The following MECOM variants were observed in gnomAD, a reference collection of about 807,000 sequenced individuals.
MECOM encodes the protein MDS1 and EVI1 complex locus.
In MECOM, 13 loss-of-function variants were observed where a neutral mutation model predicts 116.3. That is an observed-to-expected ratio of 0.11 (90% CI 0.07 to 0.18). The LOEUF (loss-of-function observed/expected upper bound fraction) is 0.18, where lower values mean the gene tolerates loss of function less well. MECOM is among the 10% of genes least tolerant of loss of function. The pLI is 1.00. For synonymous variants in MECOM, 528 were observed against 535.2 expected, an observed-to-expected ratio of 0.99 and a Z score of 0.19; for missense variants, 1,299 against 1,509.0, an observed-to-expected ratio of 0.86 and a Z score of 2.31.
rs530734686 is a variant in MECOM, at chr3:169,162,005, C to T, written c.376-18173G>A. Among the ~76,000 whole-genome samples, 9 of 152,284 alleles carry T rather than the reference C, an allele frequency of 5.9e-5. No homozygotes were observed. The East Asian group carries it at 1.7e-3, about 29-fold the overall frequency. ...CAACTGCCCAGCTAGCTGAGCCACCCCTGAATTCCTAAACCATAGAAACTG... is the reference window on the plus strand; with the variant it reads ...CAACTGCCCAGCTAGCTGAGCCACCTCTGAATTCCTAAACCATAGAAACTG... On this transcript the variant is annotated intron_variant, in intron 2 of 16. Coordinates refer to ENST00000651503, the MANE Select transcript of MECOM (RefSeq NM_004991.4).
chr3:169,360,906 C>T (rs1397618226), intron 2 of MECOM, among the ~76,000 whole-genome samples: 4 of 151,752 alleles, frequency 2.6e-5, no homozygotes, highest in Non-Finnish European at 2.9e-5. Flanking sequence ...TAAAAGCATG[C>T]GGATCTTCCC....
At chr3:169,423,831 T>G (rs982782961) in intron 1 of MECOM, among the ~76,000 whole-genome samples, 28 of 152,138 alleles carry the variant, frequency 1.8e-4, no homozygotes, top group Admixed American at 1.7e-3. Context: ...TCCGAAGTTT[T>G]GAATACTTCT....
intron 2 of MECOM, among the ~76,000 whole-genome samples, chr3:169,353,914 C>T (rs1726815512): frequency 6.6e-6 from 1 of 151,748 alleles, no homozygotes; most frequent in Admixed American, 6.6e-5. Context: ...AAGCAGAATA[C>T]ACTTTTTTTC....
chr3:169,468,565 C>G (rs1007272831), intron 1 of MECOM, among the ~76,000 whole-genome samples: 1 of 152,154 alleles, frequency 6.6e-6, no homozygotes, highest in Non-Finnish European at 1.5e-5. Flanking sequence ...TGAATCCATT[C>G]CAGGATCAGT....
At chr3:169,085,491 G>A (rs1487452080) in intron 16 of MECOM, among the ~76,000 whole-genome samples, 5 of 152,096 alleles carry the variant, frequency 3.3e-5, no homozygotes, top group South Asian at 2.1e-4. Flanking sequence ...CTTTATAACC[G>A]AAAGCACTGA....
intron 1 of MECOM, among the ~76,000 whole-genome samples, chr3:169,531,482 C>T (rs1330782060): frequency 6.6e-6 from 1 of 152,172 alleles, no homozygotes; most frequent in African/African-American, 2.4e-5. Flanking sequence ...TCCATAACCT[C>T]ATCAGAGAGG....
At chr3:169,469,257 C>A (rs1475520192) in intron 1 of MECOM, among the ~76,000 whole-genome samples, 1 of 152,044 alleles carries the variant, frequency 6.6e-6, no homozygotes, top group Non-Finnish European at 1.5e-5. Flanking sequence ...GCAGAACAAG[C>A]AGTATAAGAA....
intron 1 of MECOM, among the ~76,000 whole-genome samples, chr3:169,464,361 T>A (rs1242472982): frequency 6.6e-6 from 1 of 152,192 alleles, no homozygotes; most frequent in Non-Finnish European, 1.5e-5. Context: ...ATCCTTTTCA[T>A]AACAGCAAGA....
chr3:169,099,062 AT>A (rs1421321879), intron 12 of MECOM, among the ~76,000 whole-genome samples: 3 of 145,286 alleles, frequency 2.1e-5, no homozygotes, highest in African/African-American at 7.7e-5. Flanking sequence ...CCTACTTGTG[AT>A]TTTGTTTTCC....
chr3:169,161,624 T>C (rs757001544), intron 2 of MECOM, among the ~76,000 whole-genome samples: 2 of 152,206 alleles, frequency 1.3e-5, no homozygotes, highest in East Asian at 1.9e-4. Flanking sequence ...TTTTAAAATA[T>C]ATTAAGAAAT....
intron 7 of MECOM, 97 bp downstream of exon 7, chr3:169,120,959 G>A: frequency 1.6e-6 from 2 of 1,277,872 alleles, no homozygotes; most frequent in Non-Finnish European, 2.1e-6. Flanking sequence ...CTAACACGGT[G>A]ACCCTCTAAA....
intron 10 of MECOM, among the ~76,000 whole-genome samples, chr3:169,107,549 C>G (rs1436593187): frequency 6.6e-6 from 1 of 152,164 alleles, no homozygotes; most frequent in Non-Finnish European, 1.5e-5. Context: ...CTTTAGAAGG[C>G]TTTATCAAAA....
intron 1 of MECOM, among the ~76,000 whole-genome samples, chr3:169,432,140 G>C (rs1007132516): frequency 6.6e-6 from 1 of 151,448 alleles, no homozygotes; most frequent in Non-Finnish European, 1.5e-5. Flanking sequence ...TAGTTCCACT[G>C]TCATTTTTGT....
chr3:169,413,738 G>A (rs1356979379), intron 1 of MECOM, among the ~76,000 whole-genome samples: 1 of 152,070 alleles, frequency 6.6e-6, no homozygotes, highest in Admixed American at 6.5e-5. Flanking sequence ...TTGAGTAGGT[G>A]GTTTTCCCTC....
chr3:169,432,602 A>G (rs566504488), intron 1 of MECOM, among the ~76,000 whole-genome samples: 1 of 152,358 alleles, frequency 6.6e-6, no homozygotes, highest in African/African-American at 2.4e-5. Flanking sequence ...TTAAAATATG[A>G]AGGTTCATCA....
intron 1 of MECOM, among the ~76,000 whole-genome samples, chr3:169,429,824 G>C (rs550697658): frequency 7.4e-4 from 113 of 152,210 alleles, no homozygotes; most frequent in Non-Finnish European, 1.4e-3. Flanking sequence ...TTGTTGTGAA[G>C]ATCAAATAAG....
intron 1 of MECOM, among the ~76,000 whole-genome samples, chr3:169,537,724 A>G (rs1759564437): frequency 6.6e-6 from 1 of 152,058 alleles, no homozygotes; most frequent in Non-Finnish European, 1.5e-5. Context: ...CATTTAAAAA[A>G]AAAAAAAAAC....
chr3:169,087,974 C>A (rs1312220935), intron 16 of MECOM, among the ~76,000 whole-genome samples: 1 of 152,170 alleles, frequency 6.6e-6, no homozygotes, highest in Non-Finnish European at 1.5e-5. Flanking sequence ...TATCTCAGAA[C>A]TTTTTACTAA....
chr3:169,096,845 G>C (rs1721643551), intron 12 of MECOM, among the ~76,000 whole-genome samples: 1 of 152,044 alleles, frequency 6.6e-6, no homozygotes, highest in Admixed American at 6.5e-5. Flanking sequence ...GTACTGATTT[G>C]ATTTTTCCCC....
Sources: gnomAD v4.1 joint callset for allele counts (sites outside exome capture counted in the v4.1 genomes callset) on GRCh38, gnomAD v4.1.1 for gene constraint, MANE v1.5 for transcripts, NCBI Gene and HGNC (gene_info 2026-07-23, HGNC 2026-07-21) for gene names.